The following TEPSIN variants were observed in gnomAD, a reference collection of about 807,000 sequenced individuals.
The protein encoded by TEPSIN is TEPSIN adaptor related protein complex 4 accessory protein, also known as AP-4 complex accessory subunit tepsin.
TEPSIN carries 50 observed loss-of-function variants against 48.5 expected under a neutral mutation model. The observed-to-expected ratio is 1.03, with a 90% CI of 0.82 to 1.31. The LOEUF (loss-of-function observed/expected upper bound fraction) is 1.31, where lower values mean the gene tolerates loss of function less well. TEPSIN is among the 50% of genes most tolerant of loss of function. The pLI is 0.00. For synonymous variants in TEPSIN, 392 were observed against 358.8 expected, an observed-to-expected ratio of 1.09 and a Z score of -1.05; for missense variants, 838 against 815.9, an observed-to-expected ratio of 1.03 and a Z score of -0.33.
At chr17:81,238,335 T>C in intron 1 of TEPSIN, 1 of 352,588 alleles carries the variant, frequency 2.8e-6, no homozygotes, top group African/African-American at 2.2e-5. Context: ...ACTGAGAGCC[T>C]TGACCAACCC....
intron 4 of TEPSIN, among the ~76,000 whole-genome samples, chr17:81,235,058 C>G (rs1237517416): frequency 6.6e-6 from 1 of 152,156 alleles, no homozygotes; most frequent in Non-Finnish European, 1.5e-5. Context: ...AAGATGCCAG[C>G]TTCGAGAAAA....
At position 81,230,316 on chromosome 17, in the gene TEPSIN, G is replaced by A. The variant is rs917564391; in HGVS notation, c.1233+228C>T. 5 of 544,568 alleles carry A rather than the reference G, an allele frequency of 9.2e-6. No individual in the cohort carries two copies. Among genetic ancestry groups the A allele is most frequent in the Non-Finnish European group, 1.6e-5 (5 of 314,664 alleles). 33.7% of individuals were successfully genotyped at this position (544,568 alleles called of 1,614,324 possible). ...TGGGGGCTTCCAGGAATAGGTAGAGGCCAGTGTACTGTGAGTGCTGCAGAG... is the reference window on the plus strand; with the variant it reads ...TGGGGGCTTCCAGGAATAGGTAGAGACCAGTGTACTGTGAGTGCTGCAGAG... On this transcript the variant is annotated intron_variant, in intron 12 of 12. Coordinates refer to ENST00000637944, the MANE Select transcript of TEPSIN (RefSeq NM_001363764.2). This position sits in a 1 kb window ranked among gnomAD's most constrained non-coding sequence, Gnocchi z 4.2.
rs1330901691 is a variant in TEPSIN at position 81,234,987 on chromosome 17, A to C, written c.308-939T>G. Among the ~76,000 whole-genome samples the C allele has an allele frequency of 6.6e-6, 1 of 152,092 alleles. No individual in the cohort carries two copies. Among genetic ancestry groups the C allele is most frequent in the Non-Finnish European group, 1.5e-5 (1 of 68,006 alleles). On this transcript the variant is annotated intron_variant, in intron 4 of 12. Coordinates refer to ENST00000637944, the MANE Select transcript of TEPSIN (RefSeq NM_001363764.2). The surrounding 1 kb of genome is among the most constrained non-coding windows in gnomAD (Gnocchi z 5.4). ...ACAAATAACATCTCCAACCAGAAAC[A>C]TTCCAAACTCCTCCCCAACCAGAGA...
Position 81,231,399 on chromosome 17 carries a change from A to G in TEPSIN, c.1097T>C (p.Leu366Pro). The G allele has an allele frequency of 1.3e-6, 2 of 1,548,422 alleles. No homozygotes were observed. The highest frequency in any genetic ancestry group is 8.7e-7 in the Non-Finnish European group (1 of 1,146,348). The change falls in exon 11 of 13, where the codon CTG becomes CCG. Residue 366 changes from leucine to proline, a missense_variant and splice_region_variant. Physicochemically the swap from Leu to Pro is moderately conservative, Grantham distance 98. Coordinates refer to ENST00000637944, the MANE Select transcript of TEPSIN (RefSeq NM_001363764.2). ...CTCCCGCCCGCGTGTGCAGCTCACCAGCTGCGTGCATTCACTGGTCCCACG... is the reference window on the plus strand; with the variant it reads ...CTCCCGCCCGCGTGTGCAGCTCACCGGCTGCGTGCATTCACTGGTCCCACG... The part of the protein sequence containing the change: ...HLRGTSECTQ[L>P]RALCAIASLG...
At position 81,231,431 on chromosome 17, in the gene TEPSIN, G is replaced by C. The variant is rs1351636717; in HGVS notation, c.1065C>G (p.Cys355Trp). The C allele has an allele frequency of 6.4e-6, 10 of 1,563,986 alleles. 1 individual carries two copies. The East Asian group carries it at 2.4e-4, about 37-fold the overall frequency. Reference sequence around the variant, plus strand: ...TGCATTCACTGGTCCCACGCAGGTGGCAGGTCAGCAGCTGCAGCACGGCCT... The same window carrying C: ...TGCATTCACTGGTCCCACGCAGGTGCCAGGTCAGCAGCTGCAGCACGGCCT... The part of the protein sequence containing the change: ...NCEAVLQLLT[C>W]HLRGTSECTQ... Residue 355 changes from cysteine to tryptophan, a missense_variant, in exon 11 of 13, where the codon TGC (cysteine) becomes TGG (tryptophan). Physicochemically the swap from Cys to Trp is radical, Grantham distance 215. Transcript: ENST00000637944.
chr17:81,234,645 C>G lies in TEPSIN; in HGVS notation c.308-597G>C, dbSNP rs1177228673. ...AGCCTCTGTCACAGGCGAATCCACTCACGCCCCTCGGCCGTCTACCTCCAC... is the reference window on the plus strand; with the variant it reads ...AGCCTCTGTCACAGGCGAATCCACTGACGCCCCTCGGCCGTCTACCTCCAC... On this transcript the variant is annotated intron_variant, in intron 4 of 12. Transcript: ENST00000637944. This position sits in a 1 kb window ranked among gnomAD's most constrained non-coding sequence, Gnocchi z 5.4. Among the ~76,000 whole-genome samples the G allele has an allele frequency of 6.6e-6, 1 of 152,118 alleles. No individual in the cohort carries two copies. The highest frequency in any genetic ancestry group is 1.5e-5 in the Non-Finnish European group (1 of 68,002).
chr17:81,231,735 C>T (rs1173383580), intron 9 of TEPSIN, 44 bp from the exon 10 acceptor site: 4 of 1,608,538 alleles, frequency 2.5e-6, no homozygotes, highest in Admixed American at 1.7e-5. Context: ...GGAGGCCATG[C>T]CCCCACTCCT....
At chr17:81,237,532 G>T in intron 1 of TEPSIN, 73 bp from the exon 2 acceptor site, 1 of 1,483,572 alleles carries the variant, frequency 6.7e-7, no homozygotes, top group East Asian at 2.4e-5. Context: ...GCCCCCCAAA[G>T]GGGATGGAAA....
In TEPSIN at chr17:81,237,048, T is replaced by G. The variant is rs746058891; in HGVS notation, c.145A>C (p.Ser49Arg). ...IAKISHESPG[S>R]SQCLLEYLLS... ...AGGTACTCCAGCAGGCACTGGCTGC[T>G]GCCCGGAGACTCGTGGGAGATTTCT... The change falls in exon 3 of 13, where the codon AGC (serine) becomes CGC (arginine). Residue 49 changes from serine to arginine, a missense_variant. Coordinates refer to ENST00000637944, the MANE Select transcript of TEPSIN (RefSeq NM_001363764.2). 2.2e-4 allele frequency: 359 copies of G among 1,595,964 alleles called. No homozygotes were observed. Among genetic ancestry groups the G allele is most frequent in the Non-Finnish European group, 2.9e-4 (341 of 1,171,868 alleles).
chr17:81,230,520 C>T lies in TEPSIN; in HGVS notation c.1233+24G>A, dbSNP rs370056355. 20 of 1,609,218 alleles carry T rather than the reference C, an allele frequency of 1.2e-5. 1 individual carries two copies. The highest frequency in any genetic ancestry group is 6.7e-5 in the African/African-American group (5 of 74,880). On this transcript the variant is annotated intron_variant, in intron 12 of 12. Transcript: ENST00000637944. This position sits in a 1 kb window ranked among gnomAD's most constrained non-coding sequence, Gnocchi z 4.2. ...CACTGTACCCTTGGACCCCGGTGTG[C>T]GTGTGGCCTCCGCAGCTGCCCACCT...
Position 81,233,560 on chromosome 17 carries a change from G to T in TEPSIN, c.455-57C>A. The T allele has an allele frequency of 6.4e-7, 1 of 1,564,078 alleles. No individual in the cohort carries two copies. The highest frequency in any genetic ancestry group is 8.7e-7 in the Non-Finnish European group (1 of 1,152,272). Reference sequence around the variant, plus strand: ...GCCCCCACCCTCGGCCCTGCCCACGGATGGCACAGACACCCAGGACACTCA... The same window carrying T: ...GCCCCCACCCTCGGCCCTGCCCACGTATGGCACAGACACCCAGGACACTCA... On this transcript the variant is annotated intron_variant, in intron 6 of 12. Coordinates refer to ENST00000637944, the MANE Select transcript of TEPSIN (RefSeq NM_001363764.2). This position sits in a 1 kb window ranked among gnomAD's most constrained non-coding sequence, Gnocchi z 5.8.
At position 81,229,473 on chromosome 17, in the gene TEPSIN, G is replaced by T; in HGVS notation, c.1237C>A (p.Leu413Met). The change falls in exon 13 of 13, where the codon CTG becomes ATG. Residue 413 changes from leucine (L) to methionine (M), a missense_variant. Transcript: ENST00000637944. The part of the protein sequence containing the change: ...GPVTNKATKI[L>M]RHFEASCGQL... ...CCACAGGAGGCCTCAAAGTGCCTCA[G>T]GATCTGAAAGAGGAAGGAGGAACCA... The T allele has an allele frequency of 6.5e-7, 1 of 1,549,372 alleles. No individual in the cohort carries two copies. Among genetic ancestry groups the T allele is most frequent in the Non-Finnish European group, 8.7e-7 (1 of 1,146,522 alleles).
At chr17:81,235,281 C>T (rs1357155708) in intron 4 of TEPSIN, among the ~76,000 whole-genome samples, 1 of 152,222 alleles carries the variant, frequency 6.6e-6, no homozygotes, top group Admixed American at 6.5e-5. Context: ...TCTGTAACTG[C>T]CAGCTGCGTT....
rs560802137 is a variant in TEPSIN at position 81,233,235 on chromosome 17, C to T, written c.526+197G>A. The T allele has an allele frequency of 4.9e-4, 322 of 655,028 alleles. No homozygotes were observed. The highest frequency in any genetic ancestry group is 1.3e-3 in the Admixed American group (42 of 33,210). 40.6% of individuals were successfully genotyped at this position (655,028 alleles called of 1,614,324 possible). On this transcript the variant is annotated intron_variant, in intron 7 of 12. Transcript: ENST00000637944. The surrounding 1 kb of genome is among the most constrained non-coding windows in gnomAD (Gnocchi z 5.8). The stretch of plus-strand genomic sequence containing the variant: ...TTTCTCTCATCTGTCCATAAAGCAG[C>T]CCTGGCCACACCTGCCCCACCCCCA...
At position 81,231,676 on chromosome 17, in the gene TEPSIN, G is replaced by A. The variant is rs140496477; in HGVS notation, c.921C>T (p.Ala307=). The change falls in exon 10 of 13, where the codon GCC becomes GCT. Residue 307 remains alanine, a synonymous_variant. Transcript: ENST00000637944. ...TCAACTCCTGCTGACAGTCACTCAG[G>A]GCCACCACCTCGACCCTGCCAGGGG... ...GDLAERVEVV[A]LSDCQQELSL... is the part of the protein sequence containing the mutation. The A allele has an allele frequency of 9.3e-4, 1,499 of 1,612,378 alleles. 11 individuals carry two copies. The African/African-American group carries it at 0.018, about 19-fold the overall frequency.
At position 81,233,270 on chromosome 17, in the gene TEPSIN, C is replaced by A; in HGVS notation, c.526+162G>T. The A allele has an allele frequency of 1.2e-6, 1 of 826,170 alleles. No homozygotes were observed. The highest frequency in any genetic ancestry group is 1.8e-5 in the South Asian group (1 of 55,976). 51.2% of individuals were successfully genotyped at this position (826,170 alleles called of 1,614,324 possible). On this transcript the variant is annotated intron_variant, in intron 7 of 12. Transcript: ENST00000637944. The surrounding 1 kb of genome is among the most constrained non-coding windows in gnomAD (Gnocchi z 5.8). ...ACCTGCCCCACCCCCACGTCAGCAG[C>A]CAGAGAGAGACAGTGGGGACAGCCC... is the stretch of plus-strand genomic sequence containing the variant.
intron 4 of TEPSIN, among the ~76,000 whole-genome samples, chr17:81,236,163 G>A (rs772738682): frequency 1.7e-4 from 26 of 152,150 alleles, no homozygotes; most frequent in Admixed American, 3.3e-4. Context: ...CCAAGCCTGC[G>A]GGGACAGCTC....
At position 81,230,569 on chromosome 17, in the gene TEPSIN, C is replaced by G. The variant is rs769733385; in HGVS notation, c.1208G>C (p.Gly403Ala). ...WLQELSMGSPGPVTNKATKIL... is the reference protein window; with the variant it reads ...WLQELSMGSPAPVTNKATKIL... The stretch of plus-strand genomic sequence containing the variant: ...CTTGGTGGCCTTGTTGGTCACAGGT[C>G]CCGGGCTGCCCATGCTGAGCTCCTG... Residue 403 changes from glycine to alanine, a missense_variant, in exon 12 of 13, where the codon GGA becomes GCA. By Grantham distance (60) the Gly-to-Ala change is moderately conservative. Transcript: ENST00000637944. This position sits in a 1 kb window ranked among gnomAD's most constrained non-coding sequence, Gnocchi z 4.2. The G allele has an allele frequency of 3.1e-6, 5 of 1,611,852 alleles. No homozygotes were observed. The Admixed American group carries it at 6.7e-5, about 22-fold the overall frequency.
At chr17:81,235,722 CT>C (rs2146847457) in intron 4 of TEPSIN, among the ~76,000 whole-genome samples, 1 of 152,308 alleles carries the variant, frequency 6.6e-6, no homozygotes, top group East Asian at 1.9e-4. Context: ...GGATAAATGG[CT>C]GGTGCTGCCT....
Sources: allele counts gnomAD v4.1 joint callset (sites outside exome capture counted in the v4.1 genomes callset), GRCh38; gene constraint gnomAD v4.1.1; non-coding constraint Gnocchi (gnomAD v3.1); transcripts MANE v1.5; gene names NCBI Gene and HGNC (gene_info 2026-07-23, HGNC 2026-07-21).